KDSR: variants seen among roughly 807,000 people sequenced by gnomAD.
The protein encoded by KDSR is 3-dehydrosphinganine reductase.
A neutral mutation model predicts 41.3 loss-of-function variants in KDSR; 23 were observed. The ratio of observed to expected loss-of-function variants is 0.56; its 90% CI spans 0.40 to 0.79. The LOEUF (loss-of-function observed/expected upper bound fraction) is 0.79. Among genes scored for constraint, KDSR ranks in the 30% least tolerant of loss-of-function variants. The pLI is 0.00. For synonymous variants in KDSR, 138 were observed against 151.7 expected (o/e 0.91, Z 0.66); for missense variants, 351 against 416.8 (o/e 0.84, Z 1.37).
chr18:63,332,262 T>C (rs1204336680), intron 9 of KDSR, among the ~76,000 whole-genome samples: 1 of 152,188 alleles, frequency 6.6e-6, no homozygotes, highest in African/African-American at 2.4e-5. Context: ...GTTCTGAGCA[T>C]GAAAGCGAGA....
At chr18:63,336,363 C>T (rs937412758) in intron 8 of KDSR, among the ~76,000 whole-genome samples, 1 of 152,134 alleles carries the variant, frequency 6.6e-6, no homozygotes, top group African/African-American at 2.4e-5. Context: ...AGACCATTGA[C>T]AGGAAATCTA....
intron 7 of KDSR, among the ~76,000 whole-genome samples, chr18:63,339,513 G>C (rs2060743295): frequency 6.6e-6 from 1 of 152,220 alleles, no homozygotes; most frequent in African/African-American, 2.4e-5. Flanking sequence ...CTAGTTACCA[G>C]GCTGGAGCTG....
chr18:63,339,065 T>A (rs950384921), intron 7 of KDSR, among the ~76,000 whole-genome samples, 182 bp from the exon 8 acceptor site: 13 of 152,348 alleles, frequency 8.5e-5, no homozygotes, highest in Admixed American at 5.9e-4. Context: ...CTACGTAAAA[T>A]TCTACCCAGT....
Position 63,361,009 on chromosome 18 carries a change from T to TATA in KDSR, c.199-1220_199-1218dup, listed in dbSNP as rs1434063470. ...GTCTCTACTAAAAAAAAAATATATATATATATAAAATATATAATATATATA... is the reference window on the plus strand; with the variant it reads ...GTCTCTACTAAAAAAAAAATATATATATAATATATAAAATATATAATATATATA... On this transcript the variant is annotated intron_variant, in intron 2 of 9. Transcript: ENST00000645214. Among the ~76,000 whole-genome samples, 79 of 89,720 alleles carry TATA rather than the reference T, an allele frequency of 8.8e-4. 1 individual carries two copies. The highest frequency in any genetic ancestry group is 2.7e-3 in the East Asian group (4 of 1,488). The allele number at this position is 89,720 out of a possible 152,430, so 58.9% of individuals were successfully genotyped here.
rs1231385987 is a variant in KDSR at position 63,351,068 on chromosome 18, G to A, written c.429C>T (p.Ser143=). The change falls in exon 6 of 10, where the codon AGC becomes AGT. Residue 143 remains serine (S), a synonymous_variant. Coordinates refer to ENST00000645214, the MANE Select transcript of KDSR (RefSeq NM_002035.4). ...GGTACACGCTGCCCAGGTAATTGATGCTCATTAACCTCTGCAGGGAACAAA... is the reference window on the plus strand; with the variant it reads ...GGTACACGCTGCCCAGGTAATTGATACTCATTAACCTCTGCAGGGAACAAA... ...LEVSTFERLM[S]INYLGSVYPS... The A allele has an allele frequency of 1.9e-6, 3 of 1,613,336 alleles. No individual in the cohort carries two copies. The South Asian group carries it at 3.3e-5, about 18-fold the overall frequency.
intron 7 of KDSR, among the ~76,000 whole-genome samples, chr18:63,340,065 A>G (rs890446439): frequency 6.6e-6 from 1 of 152,206 alleles, no homozygotes; most frequent in African/African-American, 2.4e-5. Context: ...ATAAGATTCT[A>G]AAGTACTATG....
At chr18:63,335,513 C>T (rs1162386158) in intron 8 of KDSR, 155 bp from the exon 9 acceptor site, 2 of 598,466 alleles carry the variant, frequency 3.3e-6, no homozygotes, top group Non-Finnish European at 5.9e-6. Flanking sequence ...GACGCACGGC[C>T]TTGGCAGATG....
At position 63,338,889 on chromosome 18, in the gene KDSR, A is replaced by G. The variant is rs759212983; in HGVS notation, c.694-6T>C. On this transcript the variant is annotated splice_region_variant and splice_polypyrimidine_tract_variant and intron_variant, in intron 7 of 9. Coordinates refer to ENST00000645214, the MANE Select transcript of KDSR (RefSeq NM_002035.4). ...ATAAGTCGAGTCTCCAAAGGCTAAA[A>G]GTGGAAAAACATGTACATAACAATA... 3.2e-6 allele frequency: 5 copies of G among 1,584,484 alleles called. No individual in the cohort carries two copies. In the African/African-American group the frequency reaches 6.8e-5, roughly 22 times the overall value.
chr18:63,360,883 AGT>A (rs1196224722), intron 2 of KDSR, among the ~76,000 whole-genome samples: 1 of 121,796 alleles, frequency 8.2e-6, no homozygotes, highest in Non-Finnish European at 1.7e-5. Flanking sequence ...GGCCGGGCGC[AGT>A]GGCTCACGCC....
chr18:63,337,125 T>C (rs1240327774), intron 8 of KDSR, among the ~76,000 whole-genome samples: 5 of 122,604 alleles, frequency 4.1e-5, no homozygotes, highest in Admixed American at 3.6e-4. Flanking sequence ...TATATATATA[T>C]ATATATATAT....
At chr18:63,361,163 C>T (rs1914972592) in intron 2 of KDSR, among the ~76,000 whole-genome samples, 1 of 117,138 alleles carries the variant, frequency 8.5e-6, no homozygotes. Context: ...TGAGCCAAGA[C>T]AGCGCCACTG....
rs1913867718 is a variant in KDSR, at chr18:63,328,317, A to G, written c.*3465T>C. The G allele has an allele frequency of 5.7e-6, 1 of 176,640 alleles. No homozygotes were observed. Among genetic ancestry groups the G allele is most frequent in the South Asian group, 2.0e-4 (1 of 5,014 alleles). The allele number at this position is 176,640 out of a possible 1,614,324, so 10.9% of individuals were successfully genotyped here. On this transcript the variant is annotated 3_prime_UTR_variant, in exon 10 of 10. Coordinates refer to ENST00000645214, the MANE Select transcript of KDSR (RefSeq NM_002035.4). ...CAAAATTTCACTTGCAATGATCAAT[A>G]ATATATGGTTTAACAGATCCAGATA... is the stretch of plus-strand genomic sequence containing the variant.
chr18:63,350,936 A>T lies in KDSR; in HGVS notation c.561T>A (p.Ser187=), dbSNP rs1204515910. 6.2e-7 allele frequency: 1 copy of T among 1,613,994 alleles called. No individual in the cohort carries two copies. Among genetic ancestry groups the T allele is most frequent in the African/African-American group, 1.3e-5 (1 of 74,936 alleles). The part of the protein sequence containing the change: ...QLGLFGFTAY[S]ASKFAIRGLA... ...ATCCCCTTATGGCAAACTTGGATGC[A>T]GAGTAGGCTGTGAAACCGAATAATC... The change falls in exon 6 of 10, where the codon TCT becomes TCA. Residue 187 remains serine, a synonymous_variant. Coordinates refer to ENST00000645214, the MANE Select transcript of KDSR (RefSeq NM_002035.4).
At chr18:63,334,628 C>T (rs965923956) in intron 9 of KDSR, among the ~76,000 whole-genome samples, 1 of 152,144 alleles carries the variant, frequency 6.6e-6, no homozygotes, top group African/African-American at 2.4e-5. Flanking sequence ...GGATTACAGG[C>T]GTGAGCCACC....
intron 9 of KDSR, 142 bp from the exon 10 acceptor site, chr18:63,332,043 G>A: frequency 1.2e-6 from 1 of 852,666 alleles, no homozygotes. Flanking sequence ...GTAAATGTCA[G>A]TAAGCTGTGA....
intron 5 of KDSR, among the ~76,000 whole-genome samples, chr18:63,354,067 C>A (rs1382329209): frequency 6.6e-6 from 1 of 152,142 alleles, no homozygotes; most frequent in Admixed American, 6.5e-5. Context: ...CAGGGTAGAT[C>A]TGTACCCCTC....
At chr18:63,354,967 T>C (rs927669046) in intron 5 of KDSR, among the ~76,000 whole-genome samples, 2 of 152,254 alleles carry the variant, frequency 1.3e-5, no homozygotes, top group Non-Finnish European at 2.9e-5. Context: ...AGAAGGTCCA[T>C]TCCCATTTTA....
chr18:63,345,360 C>T (rs1914470537), intron 6 of KDSR: 1 of 152,628 alleles, frequency 6.6e-6, no homozygotes, highest in Non-Finnish European at 1.5e-5. Flanking sequence ...CCAGCAGATT[C>T]TTCTGCTGTT....
At chr18:63,334,213 C>G (rs892318282) in intron 9 of KDSR, among the ~76,000 whole-genome samples, 1 of 152,176 alleles carries the variant, frequency 6.6e-6, no homozygotes, top group Non-Finnish European at 1.5e-5. Flanking sequence ...TGAAGAAAAC[C>G]AACAACTAAG....
Sources: allele counts gnomAD v4.1 joint callset (sites outside exome capture counted in the v4.1 genomes callset), GRCh38; gene constraint gnomAD v4.1.1; transcripts MANE v1.5; gene names NCBI Gene and HGNC (gene_info 2026-07-23, HGNC 2026-07-21).